The following PCDH11X variants were observed in gnomAD, a reference collection of about 807,000 sequenced individuals.
PCDH11X encodes the protein protocadherin 11 X-linked.
Under a neutral mutation model 53.3 loss-of-function variants are expected in PCDH11X, and 18 were observed. The observed-to-expected ratio is 0.34, with a 90% CI of 0.23 to 0.50. The LOEUF (loss-of-function observed/expected upper bound fraction) is 0.50. Among genes scored for constraint, PCDH11X ranks in the 20% least tolerant of loss-of-function variants. PCDH11X has a pLI of 0.98. For synonymous variants in PCDH11X, 279 were observed against 393.3 expected, an observed-to-expected ratio of 0.71 and a Z score of 3.44; for missense variants, 570 against 1,032.4, an observed-to-expected ratio of 0.55 and a Z score of 6.14.
At chrX:92,535,142 T>C (rs761133637) in intron 10 of PCDH11X, among the ~76,000 whole-genome samples, 52 of 112,259 alleles carry the variant, frequency 4.6e-4, no homozygotes, top group Non-Finnish European at 1.9e-5. Flanking sequence ...AAAGCAGAAC[T>C]ATCATTCAAC....
At chrX:92,177,078 C>T (rs971059324) in intron 6 of PCDH11X, among the ~76,000 whole-genome samples, 5 of 107,263 alleles carry the variant, frequency 4.7e-5, no homozygotes, top group African/African-American at 1.0e-4. Flanking sequence ...CGGGTTCAAG[C>T]GATTCTCCTG....
At chrX:92,044,274 G>A (rs2063252065) in intron 6 of PCDH11X, among the ~76,000 whole-genome samples, 1 of 104,312 alleles carries the variant, frequency 9.6e-6, no homozygotes, top group Admixed American at 1.1e-4. Context: ...TACATTCACT[G>A]TTGTTTAGAG....
At chrX:92,005,353 T>C (rs999440093) in intron 6 of PCDH11X, among the ~76,000 whole-genome samples, 9 of 111,569 alleles carry the variant, frequency 8.1e-5, no homozygotes, top group African/African-American at 2.6e-4. Context: ...ATTTTTTATG[T>C]ATCCATTATA....
chrX:92,266,927 T>C (rs1439964750), intron 8 of PCDH11X, among the ~76,000 whole-genome samples: 1 of 109,689 alleles, frequency 9.1e-6, no homozygotes, highest in Non-Finnish European at 1.9e-5. Flanking sequence ...GTATTTTTAA[T>C]AGAGACGAGG....
intron 6 of PCDH11X, among the ~76,000 whole-genome samples, chrX:92,149,090 C>T (rs1211035491): frequency 2.7e-5 from 3 of 111,106 alleles, no homozygotes; most frequent in South Asian, 3.7e-4. Context: ...CTATCAGAAA[C>T]GAGTGTATCT....
intron 9 of PCDH11X, among the ~76,000 whole-genome samples, chrX:92,458,987 T>C (rs1214440057): frequency 9.0e-6 from 1 of 111,681 alleles, no homozygotes; most frequent in Non-Finnish European, 1.9e-5. Context: ...TAATTTACAT[T>C]TTCATCAAAA....
intron 6 of PCDH11X, among the ~76,000 whole-genome samples, chrX:92,005,460 G>A (rs34949914): frequency 6.9e-4 from 77 of 111,332 alleles, no homozygotes; most frequent in Admixed American, 2.0e-3. Context: ...TGTATAACAA[G>A]CAAAAAGAAA....
chrX:92,316,943 G>T (rs1456063961), intron 8 of PCDH11X, among the ~76,000 whole-genome samples: 3 of 110,410 alleles, frequency 2.7e-5, no homozygotes, highest in Non-Finnish European at 1.9e-5. Context: ...TTGAAAAGCT[G>T]AATTAAGGTC....
At chrX:92,267,749 A>G (rs753845335) in intron 8 of PCDH11X, among the ~76,000 whole-genome samples, 5 of 112,528 alleles carry the variant, frequency 4.4e-5, no homozygotes, top group Admixed American at 1.9e-4. Context: ...TGTGTAATTT[A>G]TAAACTAAGA....
intron 6 of PCDH11X, among the ~76,000 whole-genome samples, chrX:91,941,111 C>T (rs947020485): frequency 8.2e-5 from 9 of 109,434 alleles, no homozygotes; most frequent in Non-Finnish European, 1.7e-4. Context: ...GGATGGATAC[C>T]CCACCTTCAG....
intron 6 of PCDH11X, among the ~76,000 whole-genome samples, chrX:92,064,064 G>A (rs761707255): frequency 2.8e-5 from 3 of 107,988 alleles, no homozygotes; most frequent in Admixed American, 2.0e-4. Flanking sequence ...CAGGGTGCAC[G>A]TGTATTTGCT....
intron 6 of PCDH11X, among the ~76,000 whole-genome samples, chrX:92,120,155 C>CTTTTTT (rs764997941): frequency 4.9e-5 from 3 of 60,692 alleles, no homozygotes; most frequent in Non-Finnish European, 6.5e-5. Flanking sequence ...ACTTTTCTTT[C>CTTTTTT]TTTTTTTTTT....
intron 6 of PCDH11X, among the ~76,000 whole-genome samples, chrX:91,926,076 GCACACACACACACACACACACACACACA>G (rs4022270): frequency 1.2e-5 from 1 of 83,128 alleles, no homozygotes; most frequent in Non-Finnish European, 2.3e-5. Flanking sequence ...ACACAAACAC[GCACACACACACACACACACACACACACA>G]CACACACACA....
chrX:92,358,174 TA>T (rs1285788096), intron 8 of PCDH11X, among the ~76,000 whole-genome samples: 2 of 103,906 alleles, frequency 1.9e-5, no homozygotes, highest in African/African-American at 7.0e-5. Flanking sequence ...ATTCCATAGC[TA>T]AAAAAATTAT....
At chrX:92,109,115 T>A (rs776943148) in intron 6 of PCDH11X, among the ~76,000 whole-genome samples, 1 of 111,185 alleles carries the variant, frequency 9.0e-6, no homozygotes, top group Non-Finnish European at 1.9e-5. Flanking sequence ...CCAGGCACGG[T>A]GGCTCATGCC....
chrX:92,195,077 T>C (rs900799650), intron 6 of PCDH11X, among the ~76,000 whole-genome samples: 1 of 111,358 alleles, frequency 9.0e-6, no homozygotes, highest in African/African-American at 3.3e-5. Flanking sequence ...TTTTGCAGAA[T>C]CACCCTAGCA....
At chrX:92,271,296 C>G (rs11093353) in intron 8 of PCDH11X, among the ~76,000 whole-genome samples, 5,840 of 111,971 alleles carry the variant, frequency 0.052, 353 homozygotes, top group African/African-American at 0.18. Context: ...CTAAAGAAAT[C>G]TTTGTGTCAA....
intron 6 of PCDH11X, among the ~76,000 whole-genome samples, chrX:92,059,732 G>C (rs60283358): frequency 2.7e-5 from 3 of 109,358 alleles, no homozygotes; most frequent in Admixed American, 9.9e-5. Flanking sequence ...TGATTTTTAT[G>C]ATGGGGAACA....
chrX:91,945,046 T>TAC (rs1200958983), intron 6 of PCDH11X, among the ~76,000 whole-genome samples: 3 of 80,649 alleles, frequency 3.7e-5, no homozygotes, highest in African/African-American at 1.3e-4. Context: ...AGACATCATA[T>TAC]ACATATATAT....
Sources: allele counts gnomAD v4.1 joint callset (sites outside exome capture counted in the v4.1 genomes callset), GRCh38; gene constraint gnomAD v4.1.1; transcripts MANE v1.5; gene names NCBI Gene and HGNC (gene_info 2026-07-23, HGNC 2026-07-21).